The following TDRKH variants were observed in gnomAD, a reference collection of about 807,000 sequenced individuals.
The protein encoded by TDRKH is tudor and KH domain containing, also known as tudor and KH domain-containing protein.
A neutral mutation model predicts 61.3 loss-of-function variants in TDRKH; 28 were observed. The ratio of observed to expected loss-of-function variants is 0.46; its 90% CI spans 0.34 to 0.63. The LOEUF (loss-of-function observed/expected upper bound fraction) is 0.63, where lower values mean the gene tolerates loss of function less well. Among genes scored for constraint, TDRKH ranks in the 20% least tolerant of loss-of-function variants. The pLI is 0.01. For missense variants in TDRKH, 540 were observed against 683.4 expected, an observed-to-expected ratio of 0.79 and a Z score of 2.34; for synonymous variants, 219 against 244.4, an observed-to-expected ratio of 0.90 and a Z score of 0.97.
At chr1:151,777,025 C>T (rs1649249131) in intron 6 of TDRKH, among the ~76,000 whole-genome samples, 1 of 152,194 alleles carries the variant, frequency 6.6e-6, no homozygotes, top group African/African-American at 2.4e-5. Context: ...GAATCCAGGT[C>T]CTCTTTGCCC....
downstream of TDRKH, among the ~76,000 whole-genome samples, chr1:151,768,563 T>C (rs1648456645): frequency 6.6e-6 from 1 of 152,240 alleles, no homozygotes; most frequent in African/African-American, 2.4e-5. Context: ...AAAACTAGTT[T>C]AGCAACTTTC....
intron 10 of TDRKH, 81 bp downstream of exon 10, chr1:151,775,311 A>C (rs1649054776): frequency 3.9e-6 from 6 of 1,552,310 alleles, no homozygotes; most frequent in Admixed American, 1.9e-5. Flanking sequence ...ATATCAGATA[A>C]GGGTTTCTGA....
In TDRKH at chr1:151,780,849, CA is replaced by C. The variant is rs71789262; in HGVS notation, c.231+631del. 4.6e-3 allele frequency among the ~76,000 whole-genome samples: 398 copies of C among 86,198 alleles called. 3 individuals carry two copies. The highest frequency in any genetic ancestry group is 0.026 in the East Asian group (78 of 2,988). The allele number at this position is 86,198 out of a possible 152,430, so 56.5% of individuals were successfully genotyped here. A position where few individuals can be genotyped will look rare whatever the true frequency, so the allele number is the denominator to read the frequency against. ...TGGGTGACAGAGCCAGACTCTGTCT[CA>C]AAAAAAAAAAAAAAAAGGATAATTC... On this transcript the variant is annotated intron_variant, in intron 3 of 12. Transcript: ENST00000368824.
chr1:151,778,789 T>C lies in TDRKH; in HGVS notation c.779A>G (p.Asp260Gly). 6.2e-7 allele frequency: 1 copy of C among 1,614,264 alleles called. No individual in the cohort carries two copies. Among genetic ancestry groups the C allele is most frequent in the Non-Finnish European group, 8.5e-7 (1 of 1,180,052 alleles). Residue 260 changes from aspartate to glycine, a missense_variant, in exon 6 of 13, where the codon GAC becomes GGC. By Grantham distance (94) the Asp-to-Gly change is moderately conservative. This residue lies in a region of TDRKH where 379 missense variants were observed against 443.8 expected (regional missense o/e 0.85). Transcript: ENST00000368824. ...LVTPPPKGGGDMAVVVSKEGS... is the reference protein window; with the variant it reads ...LVTPPPKGGGGMAVVVSKEGS... ...TTCCTTTGACACTACCACAGCCATG[T>C]CGCCTCCTCCTTTGGGTGGAGGAGT... is the stretch of plus-strand genomic sequence containing the variant.
chr1:151,781,128 C>G (rs936330636), intron 3 of TDRKH, among the ~76,000 whole-genome samples: 8 of 150,748 alleles, frequency 5.3e-5, no homozygotes, highest in African/African-American at 1.9e-4. Context: ...TCAGCCTGGC[C>G]AACATGACGA....
At chr1:151,789,943 G>A (rs183678672) in intron 1 of TDRKH, among the ~76,000 whole-genome samples, 19 of 152,296 alleles carry the variant, frequency 1.2e-4, no homozygotes, top group African/African-American at 4.3e-4. Context: ...CTGGATTAAG[G>A]AATGAGGGAT....
chr1:151,779,351 TAAAGTGAACA>T, intron 4 of TDRKH, 109 bp from the exon 5 acceptor site: 1 of 1,381,888 alleles, frequency 7.2e-7, no homozygotes, highest in Non-Finnish European at 9.6e-7. Context: ...TTCTCATTTC[TAAAGTGAACA>T]AAATACAAGA....
chr1:151,781,882 T>TG, intron 2 of TDRKH: 1 of 449,358 alleles, frequency 2.2e-6, no homozygotes, highest in Admixed American at 3.2e-5. Flanking sequence ...ACATGACTAC[T>TG]GGAGAAGAAT....
chr1:151,781,336 T>A (rs1226729415), intron 3 of TDRKH, 145 bp downstream of exon 3: 23 of 174,972 alleles, frequency 1.3e-4, no homozygotes, highest in African/African-American at 5.3e-4. Flanking sequence ...AAAATATATA[T>A]ATATATATTT....
downstream of TDRKH, chr1:151,770,262 G>C: frequency 6.2e-7 from 1 of 1,612,432 alleles, no homozygotes. Context: ...ACAGAGGTGG[G>C]GATCTGCTGT....
chr1:151,772,391 C>G (rs1020116311), downstream of TDRKH, among the ~76,000 whole-genome samples: 8 of 152,034 alleles, frequency 5.3e-5, no homozygotes, highest in African/African-American at 1.9e-4. Flanking sequence ...CGGTGCCTGG[C>G]TAATACTGAG....
chr1:151,776,630 T>A, intron 6 of TDRKH, 31 bp from the exon 7 acceptor site: 1 of 1,608,136 alleles, frequency 6.2e-7, no homozygotes. Flanking sequence ...GGTGGCCACA[T>A]CAGACCCATC....
Position 151,776,165 on chromosome 1 carries a change from T to A in TDRKH, c.1148A>T (p.Asn383Ile). 2 of 1,614,140 alleles carry A rather than the reference T, an allele frequency of 1.2e-6. No individual in the cohort carries two copies. Among genetic ancestry groups the A allele is most frequent in the Middle Eastern group, 1.6e-4 (1 of 6,062 alleles). The stretch of plus-strand genomic sequence containing the variant: ...AAAGTCAACAAAATAGAGGTCCAAG[T>A]TCCCATTCTCCAAGGTGCCGAGGAC... ...ARVLGTLENGNLDLYFVDFGD... is the reference protein window; with the variant it reads ...ARVLGTLENGILDLYFVDFGD... Residue 383 changes from asparagine (N) to isoleucine (I), a missense_variant, in exon 8 of 13, where the codon AAC becomes ATC. By Grantham distance (149) the Asn-to-Ile change is moderately radical. This residue lies in a region of TDRKH where 379 missense variants were observed against 443.8 expected (regional missense o/e 0.85). Transcript: ENST00000368824.
At chr1:151,770,569 T>C (rs576796099), downstream of TDRKH, 24 of 318,356 alleles carry the variant, frequency 7.5e-5, no homozygotes, top group African/African-American at 4.9e-4. Context: ...GCACCTACAA[T>C]GTGAAAGGGT....
At chr1:151,770,028 T>A, downstream of TDRKH, 1 of 1,389,002 alleles carries the variant, frequency 7.2e-7, no homozygotes, top group Non-Finnish European at 1.0e-6. Flanking sequence ...AGCAGTACAG[T>A]CCAGCTTCGG....
Position 151,779,095 on chromosome 1 carries a change from C to T in TDRKH, c.561+8G>A, listed in dbSNP as rs1649498043. ...CTCAGGTATAATTCAAGTCTATTAG[C>T]TACTTGCCTTGGCTGCTGCCACTTC... On this transcript the variant is annotated splice_region_variant and intron_variant, in intron 5 of 12. Coordinates refer to ENST00000368824, the MANE Select transcript of TDRKH (RefSeq NM_001083965.2). 2 of 1,613,904 alleles carry T rather than the reference C, an allele frequency of 1.2e-6. No homozygotes were observed. The highest frequency in any genetic ancestry group is 1.7e-6 in the Non-Finnish European group (2 of 1,179,932).
chr1:151,770,243 A>G, downstream of TDRKH: 1 of 1,613,630 alleles, frequency 6.2e-7, no homozygotes, highest in Non-Finnish European at 8.5e-7. Flanking sequence ...TTCCAGAATG[A>G]TCGGAACGAC....
In TDRKH at chr1:151,783,005, A is replaced by C; in HGVS notation, c.18T>G (p.Thr6=). Residue 6 remains threonine, a synonymous_variant, in exon 2 of 13, where the codon ACT becomes ACG. Coordinates refer to ENST00000368824, the MANE Select transcript of TDRKH (RefSeq NM_001083965.2). Reference sequence around the variant, plus strand: ...GAATGGTGGACAGGCTTGTCCAAGAAGTCCGTTCAGTAGACATTTTCTGCT... The same window carrying C: ...GAATGGTGGACAGGCTTGTCCAAGACGTCCGTTCAGTAGACATTTTCTGCT... MSTER[T]SWTSLSTIQK... 2.5e-6 allele frequency: 4 copies of C among 1,613,228 alleles called. No individual in the cohort carries two copies. The highest frequency in any genetic ancestry group is 3.4e-6 in the Non-Finnish European group (4 of 1,179,690).
At chr1:151,770,301 TG>T, downstream of TDRKH, 1 of 1,593,470 alleles carries the variant, frequency 6.3e-7, no homozygotes, top group Non-Finnish European at 8.6e-7. Flanking sequence ...CTGAGGCAGC[TG>T]GATAACTCCT....
Sources: gnomAD v4.1 joint callset for allele counts (sites outside exome capture counted in the v4.1 genomes callset) on GRCh38, gnomAD v4.1.1 for gene constraint, gnomAD v4.1.1 regional missense constraint, MANE v1.5 for transcripts, NCBI Gene and HGNC (gene_info 2026-07-23, HGNC 2026-07-21) for gene names.